The following DPH6 variants were observed in gnomAD, a reference collection of about 807,000 sequenced individuals.
DPH6 encodes the protein diphthine--ammonia ligase.
In DPH6, 33 loss-of-function variants were observed where a neutral mutation model predicts 38.2. That is an observed-to-expected ratio of 0.86 (90% CI 0.65 to 1.15). The LOEUF is 1.15. Ranked by LOEUF, DPH6 falls within the 50% of genes most tolerant of loss-of-function variation. The pLI is 0.00. For synonymous variants in DPH6, 108 were observed against 103.0 expected (o/e 1.05, Z -0.30); for missense variants, 325 against 320.0 (o/e 1.02, Z -0.12).
chr15:35,247,816 C>T (rs935934094), intron 3 of DPH6, among the ~76,000 whole-genome samples: 2 of 151,888 alleles, frequency 1.3e-5, no homozygotes, highest in Non-Finnish European at 2.9e-5. Flanking sequence ...AACTATGCAC[C>T]GTCAAAATAA....
chr15:35,390,666 T>G (rs2053042225), intron 6 of DPH6, among the ~76,000 whole-genome samples: 1 of 152,234 alleles, frequency 6.6e-6, no homozygotes, highest in South Asian at 2.1e-4. Context: ...TGTCACGTAG[T>G]TCTCATGCCA....
rs72705111 is a variant in DPH6 at position 35,434,249 on chromosome 15, A to T, written c.505+16436T>A. Among the ~76,000 whole-genome samples, 257 of 152,300 alleles carry T rather than the reference A, an allele frequency of 1.7e-3. 1 individual carries two copies. Among genetic ancestry groups the T allele is most frequent in the East Asian group, 4.1e-3 (21 of 5,182 alleles). ...AGGCCTAGTCTCTTCAATTCCTTAT[A>T]TTGATTAGGAAGTGATAAAAAGGGA... On this transcript the variant is annotated intron_variant, in intron 5 of 8. Coordinates refer to ENST00000256538, the MANE Select transcript of DPH6 (RefSeq NM_080650.4).
At chr15:35,358,328 T>G (rs554230977) in intron 3 of DPH6, among the ~76,000 whole-genome samples, 9 of 152,348 alleles carry the variant, frequency 5.9e-5, no homozygotes, top group African/African-American at 2.2e-4. Context: ...TTTGCCTTTC[T>G]CTGGTCCCTC....
At chr15:35,397,544 C>G (rs2053151481) in intron 6 of DPH6, among the ~76,000 whole-genome samples, 1 of 152,076 alleles carries the variant, frequency 6.6e-6, no homozygotes, top group African/African-American at 2.4e-5. Context: ...ACCAATTTAT[C>G]AGGACCAAGA....
the DPH6 span, among the ~76,000 whole-genome samples, chr15:35,196,080 A>T: frequency 6.6e-6 from 1 of 152,178 alleles, no homozygotes; most frequent in Non-Finnish European, 1.5e-5. Context: ...ATTTAGTAAA[A>T]TAGGGTACTC....
intron 3 of DPH6, among the ~76,000 whole-genome samples, chr15:35,298,078 T>C (rs1414736050): frequency 6.6e-6 from 1 of 152,146 alleles, no homozygotes; most frequent in Non-Finnish European, 1.5e-5. Context: ...TTTTATACTA[T>C]ATTAAAAAGC....
intron 7 of DPH6, among the ~76,000 whole-genome samples, chr15:35,377,550 A>G (rs1417292875): frequency 6.6e-6 from 1 of 152,154 alleles, no homozygotes; most frequent in Non-Finnish European, 1.5e-5. Flanking sequence ...GTAATAAGAG[A>G]GCAGGTTTCT....
intron 2 of DPH6, among the ~76,000 whole-genome samples, chr15:35,540,291 C>T (rs944559996): frequency 6.6e-6 from 1 of 152,084 alleles, no homozygotes; most frequent in Non-Finnish European, 1.5e-5. Flanking sequence ...ACAAAAGTTC[C>T]TACTACAAAT....
At chr15:35,507,898 TATAC>T (rs2054716590) in intron 3 of DPH6, among the ~76,000 whole-genome samples, 2 of 152,036 alleles carry the variant, frequency 1.3e-5, no homozygotes, top group South Asian at 4.1e-4. Flanking sequence ...TACACCTATA[TATAC>T]ATATACATGT....
chr15:35,426,590 T>C (rs1167499877), intron 5 of DPH6, among the ~76,000 whole-genome samples: 2 of 151,794 alleles, frequency 1.3e-5, no homozygotes, highest in Admixed American at 6.6e-5. Context: ...GGTTAGTATG[T>C]GTAGGAGTAG....
At chr15:35,397,131 C>A (rs2053144303) in intron 6 of DPH6, among the ~76,000 whole-genome samples, 1 of 152,092 alleles carries the variant, frequency 6.6e-6, no homozygotes, top group Non-Finnish European at 1.5e-5. Context: ...GAATACATGC[C>A]CTAACAACCT....
At chr15:35,282,556 C>CA (rs374818837) in intron 3 of DPH6, 82 of 274,138 alleles carry the variant, frequency 3.0e-4, no homozygotes, top group African/African-American at 1.8e-3. Context: ...GCCACTGTGC[C>CA]AACCCTTCAG....
intron 3 of DPH6, among the ~76,000 whole-genome samples, chr15:35,492,442 A>T (rs2054496107): frequency 1.3e-5 from 2 of 152,208 alleles, no homozygotes; most frequent in South Asian, 4.1e-4. Flanking sequence ...TAACAAATGA[A>T]AACTATATAT....
intron 6 of DPH6, among the ~76,000 whole-genome samples, chr15:35,410,473 T>C (rs1035102349): frequency 6.6e-6 from 1 of 151,720 alleles, no homozygotes; most frequent in African/African-American, 2.4e-5. Flanking sequence ...CATTAATCTC[T>C]AAAGAAAGTT....
intron 3 of DPH6, among the ~76,000 whole-genome samples, chr15:35,261,276 G>A (rs1044628014): frequency 6.6e-6 from 1 of 152,210 alleles, no homozygotes; most frequent in African/African-American, 2.4e-5. Context: ...TCTCTTTGCT[G>A]TCATGCAGAA....
intron 3 of DPH6, among the ~76,000 whole-genome samples, chr15:35,316,100 G>T (rs1295799042): frequency 6.6e-6 from 1 of 151,610 alleles, no homozygotes; most frequent in Non-Finnish European, 1.5e-5. Context: ...TGGTTTAATA[G>T]AAGAAATAAG....
At position 35,278,052 on chromosome 15, in the gene DPH6, C is replaced by T; in HGVS notation, n.201-57470G>A. On this transcript the variant is annotated intron_variant and non_coding_transcript_variant, in intron 3 of 3. Transcript: ENST00000560386. ...AGGAACCACTTGCTAAAGAGACTAGCATGACTAAAAGGGAACCAAATGCTA... is the reference window on the plus strand; with the variant it reads ...AGGAACCACTTGCTAAAGAGACTAGTATGACTAAAAGGGAACCAAATGCTA... Among the ~76,000 whole-genome samples, 2 of 152,184 alleles carry T rather than the reference C, an allele frequency of 1.3e-5. 1 individual carries two copies. The highest frequency in any genetic ancestry group is 2.9e-5 in the Non-Finnish European group (2 of 68,022).
intron 6 of DPH6, among the ~76,000 whole-genome samples, chr15:35,386,991 T>C (rs560383528): frequency 3.9e-5 from 6 of 152,374 alleles, no homozygotes; most frequent in Admixed American, 2.6e-4. Flanking sequence ...CATGTAAGTC[T>C]TTAATCCATC....
At chr15:35,397,891 A>ACG in intron 6 of DPH6, among the ~76,000 whole-genome samples, 1 of 151,704 alleles carries the variant, frequency 6.6e-6, no homozygotes, top group East Asian at 1.9e-4. Flanking sequence ...ACACACACAC[A>ACG]CACACACACA....
Sources: gnomAD v4.1 joint callset for allele counts (sites outside exome capture counted in the v4.1 genomes callset) on GRCh38, gnomAD v4.1.1 for gene constraint, MANE v1.5 for transcripts, NCBI Gene and HGNC (gene_info 2026-07-23, HGNC 2026-07-21) for gene names.